PLCB4: variants seen among roughly 807,000 people sequenced by gnomAD.
PLCB4 encodes the protein phospholipase C beta 4, also known as 1-phosphatidylinositol 4,5-bisphosphate phosphodiesterase beta-4.
Under a neutral mutation model 178.8 loss-of-function variants are expected in PLCB4, and 77 were observed. The ratio of observed to expected loss-of-function variants is 0.43; its 90% CI spans 0.36 to 0.52. The LOEUF (loss-of-function observed/expected upper bound fraction) is 0.52, where lower values mean the gene tolerates loss of function less well. Ranked by LOEUF, PLCB4 falls within the 20% of genes least tolerant of loss-of-function variation. The pLI is 0.00. For synonymous variants in PLCB4, 496 were observed against 490.8 expected (o/e 1.01, Z -0.14); for missense variants, 1,024 against 1,453.4 (o/e 0.70, Z 4.80).
At position 9,441,922 on chromosome 20, in the gene PLCB4, T is replaced by C. The variant is rs375823268; in HGVS notation, c.2765-2059T>C. ...TGCACCAACACGACTTTTTTTTTTT[T>C]TTCTGATTTTAAGAACAAAGGATTA... On this transcript the variant is annotated intron_variant, in intron 30 of 39. Coordinates refer to ENST00000378473, the MANE Select transcript of PLCB4 (RefSeq NM_001377142.1). Among the ~76,000 whole-genome samples the C allele has an allele frequency of 2.5e-3, 381 of 152,276 alleles. 1 individual carries two copies. Among genetic ancestry groups the C allele is most frequent in the Middle Eastern group, 0.014 (4 of 294 alleles).
intron 2 of PLCB4, among the ~76,000 whole-genome samples, chr20:9,125,048 A>G: frequency 6.6e-6 from 1 of 152,200 alleles, no homozygotes; most frequent in East Asian, 1.9e-4. Context: ...ATTTATTTCA[A>G]GGGATGTTCT....
chr20:9,430,922 T>C (rs1267300459), intron 28 of PLCB4, among the ~76,000 whole-genome samples: 16 of 152,224 alleles, frequency 1.1e-4, no homozygotes, highest in Non-Finnish European at 4.4e-5. Context: ...TTATGGAAGA[T>C]GCATACCCAA....
chr20:9,359,466 A>T (rs147326304), intron 7 of PLCB4, among the ~76,000 whole-genome samples: 9 of 152,278 alleles, frequency 5.9e-5, no homozygotes, highest in East Asian at 1.9e-4. Flanking sequence ...CTTTAAGTTA[A>T]CTTAGGAATG....
intron 2 of PLCB4, among the ~76,000 whole-genome samples, chr20:9,152,115 G>A (rs2092701973): frequency 6.6e-6 from 1 of 152,180 alleles, no homozygotes; most frequent in South Asian, 2.1e-4. Context: ...TGACTTGGAT[G>A]CTGTTAAAGG....
intron 2 of PLCB4, among the ~76,000 whole-genome samples, chr20:9,148,412 A>G (rs541309076): frequency 6.6e-6 from 1 of 152,272 alleles, no homozygotes; most frequent in African/African-American, 2.4e-5. Context: ...GCCTTGTTAG[A>G]TGTCTCACAA....
intron 18 of PLCB4, 73 bp from the exon 19 acceptor site, chr20:9,395,450 G>A: frequency 1.0e-6 from 1 of 961,170 alleles, no homozygotes; most frequent in Non-Finnish European, 1.7e-6. Flanking sequence ...CCTCCTCAGT[G>A]TCGATCTCAA....
chr20:9,100,957 G>A (rs2091125825), intron 2 of PLCB4, among the ~76,000 whole-genome samples: 2 of 152,102 alleles, frequency 1.3e-5, no homozygotes, highest in Admixed American at 6.6e-5. Context: ...CTCATCCCAA[G>A]CATGATTTTT....
chr20:9,282,414 A>G (rs1362844479), intron 3 of PLCB4, among the ~76,000 whole-genome samples: 1 of 152,044 alleles, frequency 6.6e-6, no homozygotes, highest in Admixed American at 6.6e-5. Flanking sequence ...TGTACTTCAG[A>G]GTCACAGATG....
chr20:9,165,201 A>G (rs2092949653), intron 2 of PLCB4, among the ~76,000 whole-genome samples: 1 of 152,224 alleles, frequency 6.6e-6, no homozygotes, highest in Non-Finnish European at 1.5e-5. Context: ...CGAGGGCACA[A>G]AACATGCTGT....
chr20:9,240,465 T>A (rs1185277369), intron 3 of PLCB4, among the ~76,000 whole-genome samples: 1 of 152,174 alleles, frequency 6.6e-6, no homozygotes, highest in African/African-American at 2.4e-5. Flanking sequence ...TCCCTTTCAT[T>A]CTCTCTGTAA....
chr20:9,446,161 G>T (rs142360801), intron 32 of PLCB4, among the ~76,000 whole-genome samples: 2 of 152,280 alleles, frequency 1.3e-5, no homozygotes, highest in Admixed American at 6.5e-5. Flanking sequence ...AATTCTATGT[G>T]AGTCTCCATT....
intron 19 of PLCB4, among the ~76,000 whole-genome samples, chr20:9,398,836 G>A (rs1470239990): frequency 6.6e-6 from 1 of 152,106 alleles, no homozygotes; most frequent in Non-Finnish European, 1.5e-5. Flanking sequence ...GAGGACTGAA[G>A]CTTAGAGAGG....
intron 3 of PLCB4, among the ~76,000 whole-genome samples, chr20:9,231,731 AC>A (rs540190121): frequency 4.1e-4 from 63 of 152,276 alleles, no homozygotes; most frequent in African/African-American, 1.3e-3. Flanking sequence ...TACATAAAAA[AC>A]ATCTTGGCAG....
chr20:9,355,665 A>G (rs927240233), intron 7 of PLCB4, among the ~76,000 whole-genome samples: 1 of 151,774 alleles, frequency 6.6e-6, no homozygotes, highest in African/African-American at 2.4e-5. Context: ...CATGGTGTAT[A>G]TGTGCCACAT....
intron 17 of PLCB4, among the ~76,000 whole-genome samples, chr20:9,391,581 A>G (rs2038149728): frequency 6.6e-6 from 1 of 152,218 alleles, no homozygotes; most frequent in Non-Finnish European, 1.5e-5. Context: ...AGACAAGGAT[A>G]TCTGTATCCT....
At chr20:9,243,687 A>G (rs1263137342) in intron 3 of PLCB4, among the ~76,000 whole-genome samples, 1 of 152,138 alleles carries the variant, frequency 6.6e-6, no homozygotes, top group Non-Finnish European at 1.5e-5. Flanking sequence ...TAAAACGTGG[A>G]TATAAAGGGG....
intron 3 of PLCB4, among the ~76,000 whole-genome samples, chr20:9,289,448 GT>G (rs1179583066): frequency 6.6e-6 from 1 of 151,626 alleles, no homozygotes; most frequent in African/African-American, 2.4e-5. Flanking sequence ...AATTATTCGG[GT>G]TTTTTTTGGA....
chr20:9,407,438 C>T (rs1399254482), intron 21 of PLCB4, among the ~76,000 whole-genome samples: 1 of 150,090 alleles, frequency 6.7e-6, no homozygotes, highest in African/African-American at 2.5e-5. Context: ...GGCACAATCT[C>T]AGCTCACCTC....
At chr20:9,069,247 G>T (rs570759632) in intron 1 of PLCB4, 41 bp downstream of exon 1, 3 of 152,672 alleles carry the variant, frequency 2.0e-5, no homozygotes, top group Non-Finnish European at 4.4e-5. Context: ...GGATGCTCCC[G>T]CCCGCCTTGG....
Sources: gnomAD v4.1 joint callset for allele counts (sites outside exome capture counted in the v4.1 genomes callset) on GRCh38, gnomAD v4.1.1 for gene constraint, MANE v1.5 for transcripts, NCBI Gene and HGNC (gene_info 2026-07-23, HGNC 2026-07-21) for gene names.